Variants in SLC30A4 observed in about 807,000 individuals in gnomAD.
SLC30A4 encodes the protein solute carrier family 30 member 4.
In SLC30A4, 20 loss-of-function variants were observed where a neutral mutation model predicts 41.7. That is an observed-to-expected ratio of 0.48 (90% CI 0.34 to 0.70). The LOEUF is 0.70. Ranked by LOEUF, SLC30A4 falls within the 30% of genes least tolerant of loss-of-function variation. The pLI is 0.01. For synonymous variants in SLC30A4, 181 were observed against 195.9 expected (o/e 0.92, Z 0.64); for missense variants, 441 against 529.3 (o/e 0.83, Z 1.64).
At position 45,484,182 on chromosome 15, in the gene SLC30A4, A is replaced by G. The variant is rs1016826690; in HGVS notation, c.*981T>C. On this transcript the variant is annotated 3_prime_UTR_variant, in exon 8 of 8. Coordinates refer to ENST00000261867, the MANE Select transcript of SLC30A4 (RefSeq NM_013309.6). Reference sequence around the variant, plus strand: ...CCTCTAGAGTTTACCCTGAAAGGCTAAACACACAGATGACCTGGAGTGGAG... The same window carrying G: ...CCTCTAGAGTTTACCCTGAAAGGCTGAACACACAGATGACCTGGAGTGGAG... 2 of 152,604 alleles carry G rather than the reference A, an allele frequency of 1.3e-5. No homozygotes were observed. The highest frequency in any genetic ancestry group is 2.4e-5 in the African/African-American group (1 of 41,450). The allele number at this position is 152,604 out of a possible 1,614,324, so 9.5% of individuals were successfully genotyped here.
chr15:45,490,697 AAAATAT>A, intron 4 of SLC30A4, 25 bp downstream of exon 4: 1 of 1,513,958 alleles, frequency 6.6e-7, no homozygotes, highest in Non-Finnish European at 9.0e-7. Flanking sequence ...ACAGTACTTG[AAAATAT>A]TAATGTGAAA....
chr15:45,494,394 C>T (rs111263098), intron 3 of SLC30A4, among the ~76,000 whole-genome samples: 1 of 152,120 alleles, frequency 6.6e-6, no homozygotes. Flanking sequence ...TATAAAAATA[C>T]TGTAAAGAGG....
chr15:45,490,325 G>C (rs1447928991), intron 4 of SLC30A4, among the ~76,000 whole-genome samples: 1 of 152,158 alleles, frequency 6.6e-6, no homozygotes, highest in Non-Finnish European at 1.5e-5. Context: ...TAGAGCGCAA[G>C]TGATCTTCCC....
rs1811080800 is a variant in SLC30A4, at chr15:45,522,480, G to C, written c.-114-12C>G. On this transcript the variant is annotated splice_polypyrimidine_tract_variant and intron_variant, in intron 1 of 7. Transcript: ENST00000261867. Reference sequence around the variant, plus strand: ...CGTCCCTCCCCATCCTGTGGAAAACGAAACACGTTATAAATTAAAGGCGCC... The same window carrying C: ...CGTCCCTCCCCATCCTGTGGAAAACCAAACACGTTATAAATTAAAGGCGCC... 2.0e-5 allele frequency: 19 copies of C among 964,744 alleles called. No homozygotes were observed. Among genetic ancestry groups the C allele is most frequent in the Non-Finnish European group, 2.8e-5 (19 of 671,712 alleles). 59.8% of individuals were successfully genotyped at this position (964,744 alleles called of 1,614,324 possible).
At chr15:45,490,672 A>G (rs1891794140) in intron 4 of SLC30A4, 56 bp downstream of exon 4, 2 of 1,168,814 alleles carry the variant, frequency 1.7e-6, no homozygotes, top group South Asian at 1.6e-5. Flanking sequence ...TGCATATGCA[A>G]TAGTCTCTGA....
chr15:45,520,277 T>A (rs914844402), intron 2 of SLC30A4, among the ~76,000 whole-genome samples: 1 of 151,844 alleles, frequency 6.6e-6, no homozygotes, highest in Non-Finnish European at 1.5e-5. Context: ...TTTATTTACT[T>A]ATTTTTTTTT....
chr15:45,498,580 C>A (rs1460746745), intron 3 of SLC30A4, among the ~76,000 whole-genome samples: 1 of 152,098 alleles, frequency 6.6e-6, no homozygotes, highest in African/African-American at 2.4e-5. Context: ...TAATCTCCTA[C>A]TTCTGCTTAT....
At chr15:45,514,510 ATTTTTTTT>A (rs751585996) in intron 2 of SLC30A4, among the ~76,000 whole-genome samples, 1 of 125,022 alleles carries the variant, frequency 8.0e-6, no homozygotes, top group Non-Finnish European at 1.7e-5. Context: ...TGATATTCCA[ATTTTTTTT>A]TTTTTTTTTT....
intron 2 of SLC30A4, among the ~76,000 whole-genome samples, chr15:45,516,378 A>G (rs1892476431): frequency 6.6e-6 from 1 of 152,184 alleles, no homozygotes; most frequent in Non-Finnish European, 1.5e-5. Flanking sequence ...AAAGCTTCAG[A>G]ATCACTGCTG....
chr15:45,486,109 G>A lies in SLC30A4; in HGVS notation c.1135+502C>T, dbSNP rs572244284. On this transcript the variant is annotated intron_variant, in intron 7 of 7. Coordinates refer to ENST00000261867, the MANE Select transcript of SLC30A4 (RefSeq NM_013309.6). The stretch of plus-strand genomic sequence containing the variant: ...GCAATCTCGGCTCACTGCAACCTCC[G>A]CTTCATGAGTTCAGGCAATTCTCCT... 1.9e-3 allele frequency among the ~76,000 whole-genome samples: 295 copies of A among 151,318 alleles called. 2 individuals carry two copies. Among genetic ancestry groups the A allele is most frequent in the Admixed American group, 2.6e-3 (40 of 15,160 alleles).
chr15:45,493,136 G>A (rs552700979), intron 3 of SLC30A4, among the ~76,000 whole-genome samples: 20 of 152,284 alleles, frequency 1.3e-4, no homozygotes, highest in Non-Finnish European at 2.8e-4. Flanking sequence ...GCTGGGCATG[G>A]TGGTGGGTGC....
chr15:45,492,873 C>T (rs975927442), intron 3 of SLC30A4, among the ~76,000 whole-genome samples: 1 of 152,096 alleles, frequency 6.6e-6, no homozygotes, highest in Non-Finnish European at 1.5e-5. Flanking sequence ...GATGACCTTG[C>T]CCTATATATG....
At chr15:45,516,057 G>A (rs566426505) in intron 2 of SLC30A4, among the ~76,000 whole-genome samples, 12 of 152,084 alleles carry the variant, frequency 7.9e-5, no homozygotes, top group African/African-American at 2.2e-4. Flanking sequence ...GAGCTACTGC[G>A]CCCACCCTGA....
At chr15:45,486,365 T>C (rs1252884239) in intron 7 of SLC30A4, among the ~76,000 whole-genome samples, 2 of 152,146 alleles carry the variant, frequency 1.3e-5, no homozygotes, top group South Asian at 4.1e-4. Context: ...TAAAATCAGT[T>C]TGTAATATCT....
At chr15:45,496,310 C>T (rs1177773544) in intron 3 of SLC30A4, among the ~76,000 whole-genome samples, 5 of 152,156 alleles carry the variant, frequency 3.3e-5, no homozygotes, top group African/African-American at 1.2e-4. Flanking sequence ...CAAGATTCCG[C>T]TCCCTCCCAC....
intron 3 of SLC30A4, among the ~76,000 whole-genome samples, chr15:45,505,174 T>C (rs1892125348): frequency 7.0e-6 from 1 of 143,510 alleles, no homozygotes; most frequent in Non-Finnish European, 1.5e-5. Context: ...GAGGTTGCAA[T>C]GAGCCAAGAT....
In SLC30A4 at chr15:45,522,074, G is replaced by A. The variant is rs1258268810; in HGVS notation, c.281C>T (p.Ser94Phe). ...TNSQLSLKVD[S>F]CDNCSKQREI... ...TCTCTGTTTGCTGCAGTTGTCACAG[G>A]AGTCCACCTTCAAACTCAGCTGACT... Residue 94 changes from serine (S) to phenylalanine (F), a missense_variant, in exon 2 of 8, where the codon TCC becomes TTC. By Grantham distance (155) the Ser-to-Phe change is radical. Around this residue, in one of 3 missense-constraint regions of SLC30A4, gnomAD observed 312 missense variants for 341.9 expected, o/e 0.91. Coordinates refer to ENST00000261867, the MANE Select transcript of SLC30A4 (RefSeq NM_013309.6). The A allele has an allele frequency of 5.6e-6, 9 of 1,614,170 alleles. No homozygotes were observed. The Admixed American group carries it at 6.7e-5, about 12-fold the overall frequency.
chr15:45,501,935 T>G (rs975661418), intron 3 of SLC30A4: 1 of 152,086 alleles, frequency 6.6e-6, no homozygotes, highest in South Asian at 2.1e-4. Context: ...CACATATAAA[T>G]TATTATGAGA....
intron 3 of SLC30A4, 58 bp downstream of exon 3, chr15:45,511,080 A>C: frequency 7.3e-7 from 1 of 1,361,548 alleles, no homozygotes; most frequent in Non-Finnish European, 1.0e-6. Context: ...TCAGGGTTAT[A>C]GTTCATTGTG....
Sources: allele counts gnomAD v4.1 joint callset (sites outside exome capture counted in the v4.1 genomes callset), GRCh38; gene constraint gnomAD v4.1.1; regional missense constraint gnomAD v4.1.1; transcripts MANE v1.5; gene names NCBI Gene and HGNC (gene_info 2026-07-23, HGNC 2026-07-21).